Variants in WDR75 observed in about 807,000 individuals in gnomAD.
WDR75 encodes WD repeat-containing protein 75.
In WDR75, 52 loss-of-function variants were observed where a neutral mutation model predicts 106.1. The observed-to-expected ratio is 0.49, with a 90% confidence interval of 0.39 to 0.62. The LOEUF is 0.62. WDR75 is among the 20% of genes least tolerant of loss of function. The pLI, the probability that WDR75 is intolerant of heterozygous loss-of-function variation, is 0.00. For synonymous variants in WDR75, 333 were observed against 335.5 expected (o/e 0.99, Z 0.08); for missense variants, 905 against 970.3 (o/e 0.93, Z 0.89).
chr2:189,450,462 C>T (rs1686594898), intron 2 of WDR75: 1 of 848,928 alleles, frequency 1.2e-6, no homozygotes, highest in Admixed American at 6.1e-5. Context: ...TCCCAAGTAG[C>T]TAGGATTACA....
chr2:189,458,731 ATTTG>A lies in WDR75; in HGVS notation c.570-18_570-15del. The A allele has an allele frequency of 6.6e-7, 1 of 1,524,326 alleles. No individual in the cohort carries two copies. The highest frequency in any genetic ancestry group is 1.3e-5 in the South Asian group (1 of 75,736). The allele number at this position is 1,524,326 out of a possible 1,614,324, so 94.4% of individuals were successfully genotyped here. ...TCAAGAGACTTTAATAATTAAGGGA[ATTTG>A]TTTTTTTTTTCTCCTAGGTTTACTT... On this transcript the variant is annotated intron_variant, in intron 6 of 20. Transcript: ENST00000314761.
chr2:189,456,333 A>G (rs13396980), intron 5 of WDR75, among the ~76,000 whole-genome samples: 9,845 of 152,178 alleles, frequency 0.065, 494 homozygotes, highest in African/African-American at 0.14. Context: ...AATGATGTGT[A>G]CAAGAGTGAT....
chr2:189,459,520 T>A (rs1055001013), intron 8 of WDR75, 96 bp downstream of exon 8: 162 of 1,145,500 alleles, frequency 1.4e-4, no homozygotes, highest in Non-Finnish European at 1.9e-4. Flanking sequence ...TAAAACTGCA[T>A]GAGCCAAATG....
chr2:189,456,978 A>T (rs1197879880), intron 5 of WDR75, among the ~76,000 whole-genome samples: 1 of 152,026 alleles, frequency 6.6e-6, no homozygotes, highest in Non-Finnish European at 1.5e-5. Context: ...GCAGTGGCTC[A>T]CTCCTGTAAT....
chr2:189,450,762 A>G, intron 2 of WDR75, 141 bp from the exon 3 acceptor site: 1 of 1,446,314 alleles, frequency 6.9e-7, no homozygotes, highest in Non-Finnish European at 9.0e-7. Flanking sequence ...CAGAAGCAAT[A>G]TAAATAAATG....
intron 5 of WDR75, among the ~76,000 whole-genome samples, chr2:189,456,529 A>T (rs1686739847): frequency 6.6e-6 from 1 of 152,070 alleles, no homozygotes; most frequent in African/African-American, 2.4e-5. Context: ...AGCAGAAAAG[A>T]GTGTATATTT....
intron 4 of WDR75, among the ~76,000 whole-genome samples, chr2:189,452,316 A>G (rs973199710): frequency 2.0e-5 from 3 of 152,020 alleles, no homozygotes; most frequent in African/African-American, 4.8e-5. Context: ...TCCCAGCACT[A>G]TGGGAGGCCG....
intron 18 of WDR75, among the ~76,000 whole-genome samples, chr2:189,472,083 G>A (rs939645607): frequency 1.3e-5 from 2 of 151,996 alleles, no homozygotes; most frequent in African/African-American, 4.8e-5. Context: ...ATTATTTACT[G>A]TACGCCAGGG....
At chr2:189,450,263 A>G (rs1686588515) in intron 2 of WDR75, 2 of 985,600 alleles carry the variant, frequency 2.0e-6, no homozygotes, top group Non-Finnish European at 2.4e-6. Flanking sequence ...TAATGCTCAT[A>G]TAAGGTAAAA....
Position 189,469,766 on chromosome 2 carries a change from A to G in WDR75, c.1820-310A>G, listed in dbSNP as rs116146449. 3.5e-3 allele frequency among the ~76,000 whole-genome samples: 530 copies of G among 151,898 alleles called. 6 individuals are homozygous for G. Among genetic ancestry groups the G allele is most frequent in the African/African-American group, 0.012 (494 of 41,448 alleles). On this transcript the variant is annotated intron_variant, in intron 16 of 20. Transcript: ENST00000314761. ...TATGTTCTTGAAGCAGTTTCTACAT[A>G]TCTCATTTCTAGTACTTACAGACAA...
chr2:189,466,555 A>T lies in WDR75; in HGVS notation c.1420A>T (p.Ile474Leu), dbSNP rs1449563670. The change falls in exon 13 of 21, where the codon ATA becomes TTA. Residue 474 changes from isoleucine (I) to leucine (L), a missense_variant. Ile to Leu is a conservative substitution (Grantham distance 5, BLOSUM62 2). Transcript: ENST00000314761. Reference sequence around the variant, plus strand: ...CAAAGATGGTTACTTCAAAGTATGGATATTAACAGATGACTCTGACATATA... The same window carrying T: ...CAAAGATGGTTACTTCAAAGTATGGTTATTAACAGATGACTCTGACATATA... ...ASKDGYFKVW[I>L]LTDDSDIYKK... is the part of the protein sequence containing the mutation. 6.2e-7 allele frequency: 1 copy of T among 1,612,888 alleles called. No homozygotes were observed. The highest frequency in any genetic ancestry group is 2.2e-5 in the East Asian group (1 of 44,846).
rs5837143 is a variant in WDR75 at position 189,455,240 on chromosome 2, C to CAAAAAAAAAA, written c.374-79_374-70dup. On this transcript the variant is annotated intron_variant, in intron 4 of 20. Transcript: ENST00000314761. ...TGGGCGACAGAGCAAGACTTTGCCT[C>CAAAAAAAAAA]AAAAAAAAAAGAATAAATTCCTTAC... The CAAAAAAAAAA allele has an allele frequency of 1.6e-4, 198 of 1,238,246 alleles. No homozygotes were observed. The East Asian group carries it at 1.9e-3, about 12-fold the overall frequency. The allele number at this position is 1,238,246 out of a possible 1,614,324, so 76.7% of individuals were successfully genotyped here.
At chr2:189,444,567 A>G (rs114436961) in intron 1 of WDR75, among the ~76,000 whole-genome samples, 5,083 of 152,312 alleles carry the variant, frequency 0.033, 126 homozygotes, top group Non-Finnish European at 0.053. Flanking sequence ...TAAATTGCCC[A>G]CAAGCTAATG....
intron 19 of WDR75, 142 bp downstream of exon 19, chr2:189,474,474 C>G: frequency 1.9e-6 from 2 of 1,075,376 alleles, no homozygotes; most frequent in Non-Finnish European, 2.7e-6. Flanking sequence ...AACCGAGTAA[C>G]TTAACCTTGT....
At position 189,448,494 on chromosome 2, in the gene WDR75, A is replaced by G. The variant is rs925350520; in HGVS notation, c.202A>G (p.Asn68Asp). Reference protein sequence around the residue: ...NLVTGIQLNPNNHLQLYSCSL... With the variant: ...NLVTGIQLNPDNHLQLYSCSL... ...GGTGACTGGAATCCAGCTTAACCCC[A>G]ACAACCATCTACAGGTGTCAAACAG... Residue 68 changes from asparagine (N) to aspartate (D), a missense_variant, in exon 2 of 21, where the codon AAC (asparagine) becomes GAC (aspartate). By Grantham distance (23) the Asn-to-Asp change is conservative. Coordinates refer to ENST00000314761, the MANE Select transcript of WDR75 (RefSeq NM_032168.3). 2 of 1,613,960 alleles carry G rather than the reference A, an allele frequency of 1.2e-6. No homozygotes were observed.
chr2:189,458,778 A>G lies in WDR75; in HGVS notation c.595A>G (p.Lys199Glu). 6.3e-7 allele frequency: 1 copy of G among 1,597,724 alleles called. No individual in the cohort carries two copies. Among genetic ancestry groups the G allele is most frequent in the South Asian group, 1.1e-5 (1 of 87,564 alleles). The change falls in exon 7 of 21, where the codon AAG (lysine) becomes GAG (glutamate). Residue 199 changes from lysine to glutamate, a missense_variant. By Grantham distance (56) the Lys-to-Glu change is moderately conservative. Transcript: ENST00000314761. ...SRFTLSSSRN[K>E]KHAKNNFTCV... ...GTTTACTTTATCATCATCAAGAAAT[A>G]AGAAGCATGCTAAAAACAATTTTAC...
At chr2:189,470,698 T>C (rs1320400327) in intron 17 of WDR75, 121 bp from the exon 18 acceptor site, 7 of 531,728 alleles carry the variant, frequency 1.3e-5, no homozygotes, top group Non-Finnish European at 1.9e-5. Flanking sequence ...TCCTTTTCTG[T>C]TGTCAAATAT....
In WDR75 at chr2:189,450,525, C is replaced by T. The variant is rs141577694; in HGVS notation, c.217-378C>T. 62 of 953,972 alleles carry T rather than the reference C, an allele frequency of 6.5e-5. No homozygotes were observed. The African/African-American group carries it at 1.0e-3, about 15-fold the overall frequency. 59.1% of individuals were successfully genotyped at this position (953,972 alleles called of 1,614,324 possible). A position where few individuals can be genotyped will look rare whatever the true frequency, so the allele number is the denominator to read the frequency against. ...TTTGTAGGGGTTTCGTCATGTTGGC[C>T]AGGCTGGTCTCGAACTCCTGGCCTC... On this transcript the variant is annotated intron_variant, in intron 2 of 20. Coordinates refer to ENST00000314761, the MANE Select transcript of WDR75 (RefSeq NM_032168.3).
chr2:189,450,314 G>A (rs905809729), intron 2 of WDR75: 1 of 985,568 alleles, frequency 1.0e-6, no homozygotes, highest in Non-Finnish European at 1.2e-6. Context: ...AGTTCTGGCA[G>A]GAAGAGCAAC....
Sources: gnomAD v4.1 joint callset for allele counts (sites outside exome capture counted in the v4.1 genomes callset) on GRCh38, gnomAD v4.1.1 for gene constraint, MANE v1.5 for transcripts, NCBI Gene and HGNC (gene_info 2026-07-23, HGNC 2026-07-21) for gene names.